BLTP3B: variants seen among roughly 807,000 people sequenced by gnomAD.
The protein encoded by BLTP3B is UHRF1 (ICBP90) binding protein 1-like.
At chr12:100,106,587 T>C in the BLTP3B span, among the ~76,000 whole-genome samples, 60 of 151,968 alleles carry the variant, frequency 3.9e-4, no homozygotes, top group East Asian at 1.5e-3. Context: ...ATAATGGACT[T>C]TGAAGACTCA....
At chr12:100,044,225 AT>A in the BLTP3B span, among the ~76,000 whole-genome samples, 1 of 152,104 alleles carries the variant, frequency 6.6e-6, no homozygotes, top group Non-Finnish European at 1.5e-5. Flanking sequence ...TGAAGCTACC[AT>A]TTTGATCTTT....
chr12:100,047,753 T>G, the BLTP3B span: 1 of 1,044,488 alleles, frequency 9.6e-7, no homozygotes, highest in Non-Finnish European at 1.4e-6. Flanking sequence ...GAAAACTGCC[T>G]GTTATATTTT....
At chr12:100,044,080 TTTG>T in the BLTP3B span, among the ~76,000 whole-genome samples, 1 of 152,244 alleles carries the variant, frequency 6.6e-6, no homozygotes, top group South Asian at 2.1e-4. Flanking sequence ...TTTCTGTTTG[TTTG>T]TTTTGTTTTG....
chr12:100,135,090 C>T, the BLTP3B span, among the ~76,000 whole-genome samples: 2 of 152,128 alleles, frequency 1.3e-5, no homozygotes, highest in African/African-American at 2.4e-5. Context: ...TACAAGGTCC[C>T]ACATGATCTG....
At chr12:100,052,043 A>T in the BLTP3B span, among the ~76,000 whole-genome samples, 141 of 135,204 alleles carry the variant, frequency 1.0e-3, 1 homozygote, top group Admixed American at 7.4e-3. Flanking sequence ...GACCCCATCT[A>T]AAAAAAAAAA....
chr12:100,128,039 C>CA, the BLTP3B span, among the ~76,000 whole-genome samples: 22 of 151,868 alleles, frequency 1.4e-4, no homozygotes, highest in African/African-American at 4.8e-4. Context: ...CTTCAAAAAA[C>CA]AAAAAAAGAA....
the BLTP3B span, among the ~76,000 whole-genome samples, chr12:100,061,542 A>G: frequency 3.3e-5 from 5 of 151,840 alleles, no homozygotes; most frequent in Admixed American, 2.0e-4. Context: ...CTGTAGTCCC[A>G]GCTACTGGGA....
chr12:100,093,860 A>G, the BLTP3B span, among the ~76,000 whole-genome samples: 1 of 152,202 alleles, frequency 6.6e-6, no homozygotes, highest in African/African-American at 2.4e-5. Flanking sequence ...TCTTTACCAG[A>G]AAATATCATG....
chr12:100,068,796 G>A, the BLTP3B span, among the ~76,000 whole-genome samples: 8 of 152,264 alleles, frequency 5.3e-5, no homozygotes, highest in South Asian at 2.1e-4. Context: ...ACCACAATGC[G>A]ATATCACCAT....
At chr12:100,112,513 C>CA in the BLTP3B span, among the ~76,000 whole-genome samples, 2 of 148,948 alleles carry the variant, frequency 1.3e-5, no homozygotes, top group Non-Finnish European at 3.0e-5. Flanking sequence ...AAAGACAAAA[C>CA]AAAAAACAAA....
chr12:100,083,924 C>T, the BLTP3B span, among the ~76,000 whole-genome samples: 1 of 152,272 alleles, frequency 6.6e-6, no homozygotes, highest in East Asian at 1.9e-4. Context: ...CGTGGTGGCT[C>T]ACGCCTGTAA....
At chr12:100,115,943 C>T in the BLTP3B span, among the ~76,000 whole-genome samples, 2 of 151,912 alleles carry the variant, frequency 1.3e-5, no homozygotes, top group Admixed American at 6.6e-5. Flanking sequence ...TTAAGGCAGG[C>T]GGATCACCTA....
chr12:100,122,251 A>T, the BLTP3B span, among the ~76,000 whole-genome samples: 1 of 152,202 alleles, frequency 6.6e-6, no homozygotes, highest in Non-Finnish European at 1.5e-5. Context: ...TTTTAAGCTT[A>T]AAAAAGTGGA....
the BLTP3B span, among the ~76,000 whole-genome samples, chr12:100,111,329 T>G: frequency 2.1e-5 from 3 of 145,888 alleles, no homozygotes; most frequent in Non-Finnish European, 4.5e-5. Context: ...GGTCTCGCTC[T>G]GTTGTCCAGG....
chr12:100,079,145 C>A, the BLTP3B span, among the ~76,000 whole-genome samples: 3 of 152,156 alleles, frequency 2.0e-5, no homozygotes, highest in Admixed American at 2.0e-4. Context: ...CCGACTAATA[C>A]AGTAAATTGG....
the BLTP3B span, among the ~76,000 whole-genome samples, chr12:100,054,679 T>C: frequency 6.6e-6 from 1 of 152,166 alleles, no homozygotes; most frequent in Admixed American, 6.5e-5. Flanking sequence ...ATTTAAGTGA[T>C]ATGCTGGAAA....
chr12:100,080,321 G>C, the BLTP3B span, among the ~76,000 whole-genome samples: 1 of 151,904 alleles, frequency 6.6e-6, no homozygotes, highest in South Asian at 2.1e-4. Context: ...CACAGGGGCA[G>C]AGCTGCCCAA....
chr12:100,114,617 A>T, the BLTP3B span, among the ~76,000 whole-genome samples: 19 of 152,344 alleles, frequency 1.2e-4, 1 homozygote, highest in East Asian at 2.3e-3. Flanking sequence ...TATTCAAAAC[A>T]ATACTTTCAG....
At chr12:100,129,458 C>A in the BLTP3B span, among the ~76,000 whole-genome samples, 1 of 152,182 alleles carries the variant, frequency 6.6e-6, no homozygotes, top group African/African-American at 2.4e-5. Flanking sequence ...CTATGTACTG[C>A]AGTCCTGTGG....
Sources: gnomAD v4.1 joint callset for allele counts (sites outside exome capture counted in the v4.1 genomes callset) on GRCh38, gnomAD v4.1.1 for gene constraint, MANE v1.5 for transcripts, NCBI Gene and HGNC (gene_info 2026-07-23, HGNC 2026-07-21) for gene names.